Variants in EML1 observed in about 807,000 individuals in gnomAD.
EML1 encodes EMAP like 1, also known as echinoderm microtubule-associated protein-like 1.
In EML1, 27 loss-of-function variants were observed where a neutral mutation model predicts 110.4. The observed-to-expected ratio is 0.24, with a 90% CI of 0.18 to 0.34. The LOEUF is 0.34. EML1 is among the 10% of genes least tolerant of loss of function. The probability of loss-of-function intolerance (pLI) is 1.00; values close to 1 mark genes in which losing one functional copy is unlikely to be tolerated. For missense variants in EML1, 741 were observed against 1,030.9 expected (o/e 0.72, Z 3.85); for synonymous variants, 344 against 385.8 (o/e 0.89, Z 1.27).
Position 99,909,477 on chromosome 14 carries a change from G to A in EML1, c.1237G>A (p.Glu413Lys), listed in dbSNP as rs758842019. ...CCTTAATAAGAAGCAAGGATTATTC[G>A]AGGTAAAGTTAAATTATGATTTTTG... is the stretch of plus-strand genomic sequence containing the variant. The part of the protein sequence containing the change: ...SSLNKKQGLF[E>K]KQEKPKFVLC... Residue 413 changes from glutamate (E) to lysine (K), a missense_variant and splice_region_variant, in exon 11 of 22, where the codon GAG (glutamate) becomes AAG (lysine). Coordinates refer to ENST00000262233, the MANE Select transcript of EML1 (RefSeq NM_004434.3). The A allele has an allele frequency of 2.0e-5, 32 of 1,613,946 alleles. No homozygotes were observed. Among genetic ancestry groups the A allele is most frequent in the South Asian group, 1.2e-4 (11 of 91,064 alleles).
chr14:99,747,414 CTGGCCTGA>C (rs2057124119), intron 1 of EML1, among the ~76,000 whole-genome samples: 2 of 151,742 alleles, frequency 1.3e-5, no homozygotes, highest in Non-Finnish European at 2.9e-5. Context: ...TGGCAGCTGT[CTGGCCTGA>C]TGGGGGGCAG....
At chr14:99,796,968 A>G (rs917730523) in intron 1 of EML1, among the ~76,000 whole-genome samples, 13 of 151,870 alleles carry the variant, frequency 8.6e-5, no homozygotes, top group African/African-American at 1.2e-4. Flanking sequence ...AAATATTTAC[A>G]TACCATAAAA....
At chr14:99,914,036 A>G in intron 13 of EML1, 143 bp from the exon 14 acceptor site, 7 of 1,028,000 alleles carry the variant, frequency 6.8e-6, no homozygotes, top group Non-Finnish European at 8.2e-6. Flanking sequence ...TATATACAAC[A>G]TATATATTTG....
chr14:99,876,372 C>T (rs1228663826), intron 3 of EML1, among the ~76,000 whole-genome samples: 2 of 152,192 alleles, frequency 1.3e-5, no homozygotes, highest in Admixed American at 6.5e-5. Context: ...TGCCCACTGG[C>T]GCCGCCTGAG....
At chr14:99,800,937 T>C (rs962043515) in intron 1 of EML1, among the ~76,000 whole-genome samples, 1 of 152,182 alleles carries the variant, frequency 6.6e-6, no homozygotes, top group Non-Finnish European at 1.5e-5. Context: ...CTGCCCGAGG[T>C]AGGGAGTCTT....
At chr14:99,819,760 A>T (rs1262864067) in intron 1 of EML1, among the ~76,000 whole-genome samples, 3 of 152,150 alleles carry the variant, frequency 2.0e-5, no homozygotes, top group Non-Finnish European at 2.9e-5. Context: ...CTGCAACAGG[A>T]GCCCAGCCTC....
Position 99,784,927 on chromosome 14 carries a change from TG to T in EML1, c.-27+10917del, listed in dbSNP as rs1223794918. On this transcript the variant is annotated intron_variant, in intron 1 of 22. Coordinates refer to the EML1 transcript ENST00000327921. This position sits in a 1 kb window ranked among gnomAD's most constrained non-coding sequence, Gnocchi z 4.5. ...CAGGGGCAGACTATTGTGGGGTGTT[TG>T]GGAAATGGAAAAGCAGAGGGATTGA... Among the ~76,000 whole-genome samples, 2 of 152,192 alleles carry T rather than the reference TG, an allele frequency of 1.3e-5. No individual in the cohort carries two copies. The highest frequency in any genetic ancestry group is 3.8e-4 in the East Asian group (2 of 5,196).
intron 4 of EML1, among the ~76,000 whole-genome samples, chr14:99,886,797 G>A (rs1418709993): frequency 1.3e-5 from 2 of 152,182 alleles, no homozygotes; most frequent in Admixed American, 6.5e-5. Context: ...CCGCTCTGAG[G>A]CACAGTGAAT....
chr14:99,770,061 T>G (rs2057406870), upstream of EML1, among the ~76,000 whole-genome samples: 1 of 152,210 alleles, frequency 6.6e-6, no homozygotes, highest in African/African-American at 2.4e-5. Context: ...TGATGACACT[T>G]AACCTTTGTA....
intron 2 of EML1, among the ~76,000 whole-genome samples, chr14:99,852,642 A>G (rs1259690776): frequency 2.6e-5 from 4 of 152,200 alleles, no homozygotes; most frequent in Non-Finnish European, 5.9e-5. Flanking sequence ...TTTCATTGTT[A>G]TTTCAATTTA....
chr14:99,770,870 C>T (rs191894704), upstream of EML1, among the ~76,000 whole-genome samples: 235 of 146,098 alleles, frequency 1.6e-3, 2 homozygotes, highest in East Asian at 0.017. Context: ...GTGCAAGCTC[C>T]GCCTCCCGGG....
chr14:99,777,887 T>A (rs1017446291), intron 1 of EML1, among the ~76,000 whole-genome samples: 1 of 152,168 alleles, frequency 6.6e-6, no homozygotes, highest in African/African-American at 2.4e-5. Context: ...GTGGCTCAAG[T>A]GATCCTCTCC....
At chr14:99,761,065 G>T (rs1483732127) in intron 1 of EML1, among the ~76,000 whole-genome samples, 1 of 152,164 alleles carries the variant, frequency 6.6e-6, no homozygotes, top group East Asian at 1.9e-4. Flanking sequence ...TGTTCAAAGA[G>T]CTTTACAAAT....
intron 1 of EML1, among the ~76,000 whole-genome samples, chr14:99,816,886 C>T (rs1290700402): frequency 6.6e-6 from 1 of 152,182 alleles, no homozygotes; most frequent in Non-Finnish European, 1.5e-5. Flanking sequence ...AATGGCTGTT[C>T]TCCCAGGCTT....
intron 1 of EML1, among the ~76,000 whole-genome samples, chr14:99,780,091 G>A (rs964075156): frequency 6.6e-6 from 1 of 152,256 alleles, no homozygotes; most frequent in East Asian, 1.9e-4. Context: ...TCCTCACATG[G>A]CAGAGAGAAA....
chr14:99,820,199 T>C (rs17099088), intron 1 of EML1, among the ~76,000 whole-genome samples: 13,355 of 152,240 alleles, frequency 0.088, 1,053 homozygotes, highest in African/African-American at 0.22. Context: ...ACTTAAAGCT[T>C]TTTAGCTCTA....
upstream of EML1, among the ~76,000 whole-genome samples, chr14:99,771,112 T>C (rs772415716): frequency 3.3e-5 from 5 of 152,190 alleles, no homozygotes; most frequent in Non-Finnish European, 5.9e-5. Context: ...GATCAGTATC[T>C]GTCTCACCCA....
At chr14:99,780,634 G>A (rs35163969) in intron 1 of EML1, among the ~76,000 whole-genome samples, 7,770 of 152,214 alleles carry the variant, frequency 0.051, 255 homozygotes, top group Non-Finnish European at 0.072. Context: ...ATCACGTGCC[G>A]CATCATGATG....
intron 3 of EML1, among the ~76,000 whole-genome samples, chr14:99,865,947 A>G (rs1165699723): frequency 6.6e-6 from 1 of 152,226 alleles, no homozygotes; most frequent in Non-Finnish European, 1.5e-5. Context: ...GTAAAAATAA[A>G]TAGCTGTTCC....
Sources: gnomAD v4.1 joint callset for allele counts (sites outside exome capture counted in the v4.1 genomes callset) on GRCh38, gnomAD v4.1.1 for gene constraint, Gnocchi (gnomAD v3.1) non-coding constraint, MANE v1.5 for transcripts, NCBI Gene and HGNC (gene_info 2026-07-23, HGNC 2026-07-21) for gene names.